TRPC3: variants seen among roughly 807,000 people sequenced by gnomAD.
TRPC3 encodes the protein short transient receptor potential channel 3.
TRPC3 carries 54 observed loss-of-function variants against 90.9 expected under a neutral mutation model. The observed-to-expected ratio is 0.59, with a 90% CI of 0.48 to 0.75. TRPC3 has a LOEUF of 0.75. Among genes scored for constraint, TRPC3 ranks in the 30% least tolerant of loss-of-function variants. The pLI, the probability that TRPC3 is intolerant of heterozygous loss-of-function variation, is 0.00. For missense variants in TRPC3, 918 were observed against 1,194.5 expected (o/e 0.77, Z 3.41); for synonymous variants, 424 against 450.9 (o/e 0.94, Z 0.75).
At chr4:121,946,244 C>T (rs914423010) in intron 1 of TRPC3, among the ~76,000 whole-genome samples, 3 of 152,056 alleles carry the variant, frequency 2.0e-5, no homozygotes, top group Non-Finnish European at 2.9e-5. Flanking sequence ...GCATCCATAC[C>T]AAGGCACATC....
Position 121,951,368 on chromosome 4 carries a change from G to T in TRPC3, c.215+98C>A. On this transcript the variant is annotated intron_variant, in intron 1 of 11. Transcript: ENST00000379645. The surrounding 1 kb of genome is among the most constrained non-coding windows in gnomAD (Gnocchi z 4.4). ...TGGCCGTACCATGTGGGTCTCGGAG[G>T]TCCCGGGCTCGACGTGGAGCCGCCC... The T allele has an allele frequency of 1.3e-6, 1 of 792,388 alleles. No individual in the cohort carries two copies. The highest frequency in any genetic ancestry group is 1.6e-6 in the Non-Finnish European group (1 of 622,058). The allele number at this position is 792,388 out of a possible 1,614,324, so 49.1% of individuals were successfully genotyped here.
At position 121,937,296 on chromosome 4, in the gene TRPC3, T is replaced by C. The variant is rs72919975; in HGVS notation, c.216-4254A>G. On this transcript the variant is annotated intron_variant, in intron 1 of 11. Coordinates refer to ENST00000379645, the MANE Select transcript of TRPC3 (RefSeq NM_001130698.2). ...CTGGGAACCTCCAATATAAAAATAA[T>C]GGAGCATCCTGGATCAAGGACCCCT... Among the ~76,000 whole-genome samples the C allele has an allele frequency of 4.2e-3, 636 of 152,318 alleles. 3 individuals are homozygous for C. Among genetic ancestry groups the C allele is most frequent in the African/African-American group, 0.015 (617 of 41,558 alleles).
intron 7 of TRPC3, among the ~76,000 whole-genome samples, chr4:121,905,391 C>T (rs2149120696): frequency 6.6e-6 from 1 of 152,110 alleles, no homozygotes; most frequent in African/African-American, 2.4e-5. Context: ...GAAGAGGAGG[C>T]AGCAGAATGA....
chr4:121,951,720 G>C lies in TRPC3; in HGVS notation c.-40C>G, dbSNP rs375661321. Reference sequence around the variant, plus strand: ...TCCGAGTGTGGGGGTGCCGGCTGCCGGCCTCCTCCGCCTTCGCGGCAGTGC... The same window carrying C: ...TCCGAGTGTGGGGGTGCCGGCTGCCCGCCTCCTCCGCCTTCGCGGCAGTGC... On this transcript the variant is annotated 5_prime_UTR_variant, in exon 1 of 12. Transcript: ENST00000379645. The surrounding 1 kb of genome is among the most constrained non-coding windows in gnomAD (Gnocchi z 4.4). 7.8e-7 allele frequency: 1 copy of C among 1,285,456 alleles called. No individual in the cohort carries two copies. Among genetic ancestry groups the C allele is most frequent in the Non-Finnish European group, 1.0e-6 (1 of 1,004,584 alleles). 79.6% of individuals were successfully genotyped at this position (1,285,456 alleles called of 1,614,324 possible). A position where few individuals can be genotyped will look rare whatever the true frequency, so the allele number is the denominator to read the frequency against.
chr4:121,913,548 T>A (rs553745690), intron 4 of TRPC3, among the ~76,000 whole-genome samples: 1 of 152,230 alleles, frequency 6.6e-6, no homozygotes, highest in Non-Finnish European at 1.5e-5. Context: ...CCTGATGGAA[T>A]GTTTTAACTG....
chr4:121,932,717 G>A lies in TRPC3; in HGVS notation c.541C>T (p.Leu181Phe). 6.2e-7 allele frequency: 1 copy of A among 1,613,832 alleles called. No individual in the cohort carries two copies. Among genetic ancestry groups the A allele is most frequent in the Non-Finnish European group, 8.5e-7 (1 of 1,179,822 alleles). ...CGCACGTAGCCCTTGCTGATGGCGA[G>A]CAGCAGGGCGTCGCCAATGCGCGCC... ...NLARIGDALL[L>F]AISKGYVRIV... The change falls in exon 2 of 12, where the codon CTC becomes TTC. Residue 181 changes from leucine (L) to phenylalanine (F), a missense_variant. This residue lies in a region of TRPC3 where 609 missense variants were observed against 725.9 expected (regional missense o/e 0.84). Transcript: ENST00000379645. This position sits in a 1 kb window ranked among gnomAD's most constrained non-coding sequence, Gnocchi z 7.7.
intron 9 of TRPC3, among the ~76,000 whole-genome samples, chr4:121,900,229 G>T (rs937869222): frequency 6.6e-6 from 1 of 152,128 alleles, no homozygotes; most frequent in Non-Finnish European, 1.5e-5. Flanking sequence ...AAAGAATTTT[G>T]GTTTCCTTTT....
At chr4:121,933,251 G>A (rs1730018034) in intron 1 of TRPC3, 8 of 1,074,930 alleles carry the variant, frequency 7.4e-6, no homozygotes, top group Middle Eastern at 3.3e-4. Context: ...GAAGGAAGCC[G>A]GCAGCCCTTC....
At chr4:121,890,828 A>G (rs1728299061) in intron 10 of TRPC3, among the ~76,000 whole-genome samples, 1 of 151,820 alleles carries the variant, frequency 6.6e-6, no homozygotes. Flanking sequence ...CATCTCTACT[A>G]AAAAAATACA....
At chr4:121,939,966 C>G (rs1038282055) in intron 1 of TRPC3, among the ~76,000 whole-genome samples, 1 of 152,194 alleles carries the variant, frequency 6.6e-6, no homozygotes, top group Non-Finnish European at 1.5e-5. Context: ...AAGGGTAGTT[C>G]CCGAGAGCCT....
chr4:121,893,233 C>T (rs765991850), intron 10 of TRPC3, among the ~76,000 whole-genome samples: 1 of 151,640 alleles, frequency 6.6e-6, no homozygotes, highest in African/African-American at 2.4e-5. Context: ...TATGTACACA[C>T]GTGCAAGAAT....
chr4:121,910,402 A>C lies in TRPC3; in HGVS notation c.1559-15T>G. 1 of 1,607,560 alleles carries C rather than the reference A, an allele frequency of 6.2e-7. No homozygotes were observed. The highest frequency in any genetic ancestry group is 2.2e-5 in the East Asian group (1 of 44,844). On this transcript the variant is annotated splice_polypyrimidine_tract_variant and intron_variant, in intron 5 of 11. Coordinates refer to ENST00000379645, the MANE Select transcript of TRPC3 (RefSeq NM_001130698.2). Reference sequence around the variant, plus strand: ...CCACATCATTCCTGTCACAACAAATACAGAGGGTGCAGGTCAGATTTTACA... The same window carrying C: ...CCACATCATTCCTGTCACAACAAATCCAGAGGGTGCAGGTCAGATTTTACA...
In TRPC3 at chr4:121,910,320, C is replaced by T; in HGVS notation, c.1626G>A (p.Trp542Ter). The change falls in exon 6 of 12, where the codon TGG (tryptophan) becomes TGA (stop). Residue 542 changes from tryptophan (W) to a stop codon, truncating the protein, a stop_gained. Transcript: ENST00000379645. LOFTEE classifies it high-confidence loss of function. ...EGPREYILQL[W>*]NVLDFGMLSI... ...ACAGCATCCCAAAGTCAAGCACATT[C>T]CACAACTGCAAAATGTATTCCCTAG... 1 of 1,613,856 alleles carries T rather than the reference C, an allele frequency of 6.2e-7. No homozygotes were observed. Among genetic ancestry groups the T allele is most frequent in the Non-Finnish European group, 8.5e-7 (1 of 1,179,804 alleles).
chr4:121,890,895 G>A (rs1728301651), intron 10 of TRPC3, among the ~76,000 whole-genome samples: 2 of 152,082 alleles, frequency 1.3e-5, no homozygotes, highest in Admixed American at 1.3e-4. Flanking sequence ...GGAGGCTGAG[G>A]CAGGACAATC....
chr4:121,932,121 G>T lies in TRPC3; in HGVS notation c.987+150C>A. ...ATTGAGAGGGAGAAAGAAAACATTA[G>T]ATGAGGTCTGAATGACGTTCTCAGT... On this transcript the variant is annotated intron_variant, in intron 2 of 11. Coordinates refer to ENST00000379645, the MANE Select transcript of TRPC3 (RefSeq NM_001130698.2). The surrounding 1 kb of genome is among the most constrained non-coding windows in gnomAD (Gnocchi z 7.7). The T allele has an allele frequency of 8.0e-7, 1 of 1,242,776 alleles. No individual in the cohort carries two copies. Among genetic ancestry groups the T allele is most frequent in the Non-Finnish European group, 1.1e-6 (1 of 916,158 alleles). The allele number at this position is 1,242,776 out of a possible 1,614,324, so 77.0% of individuals were successfully genotyped here. A position where few individuals can be genotyped will look rare whatever the true frequency, so the allele number is the denominator to read the frequency against.
chr4:121,923,968 A>G (rs1415522277), intron 3 of TRPC3, among the ~76,000 whole-genome samples: 1 of 151,238 alleles, frequency 6.6e-6, no homozygotes, highest in Non-Finnish European at 1.5e-5. Context: ...GATATTTATT[A>G]TTGTGAAACA....
At chr4:121,940,267 T>C (rs1730261954) in intron 1 of TRPC3, among the ~76,000 whole-genome samples, 1 of 152,214 alleles carries the variant, frequency 6.6e-6, no homozygotes, top group Non-Finnish European at 1.5e-5. Context: ...ATTGACTTAA[T>C]TGCCTAATTT....
chr4:121,925,304 G>T, intron 2 of TRPC3, 98 bp from the exon 3 acceptor site: 1 of 1,309,780 alleles, frequency 7.6e-7, no homozygotes, highest in South Asian at 1.6e-5. Flanking sequence ...TTCTTTTGGG[G>T]GTAGAAAGCT....
At chr4:121,918,045 T>C (rs1729376578) in intron 3 of TRPC3, among the ~76,000 whole-genome samples, 1 of 152,186 alleles carries the variant, frequency 6.6e-6, no homozygotes, top group South Asian at 2.1e-4. Context: ...AGTTAACAGG[T>C]GGGGCCTTCA....
Sources: allele counts gnomAD v4.1 joint callset (sites outside exome capture counted in the v4.1 genomes callset), GRCh38; gene constraint gnomAD v4.1.1; regional missense constraint gnomAD v4.1.1; non-coding constraint Gnocchi (gnomAD v3.1); transcripts MANE v1.5; gene names NCBI Gene and HGNC (gene_info 2026-07-23, HGNC 2026-07-21).